MIGA1: variants seen among roughly 807,000 people sequenced by gnomAD.
MIGA1 encodes family with sequence similarity 73, member A.
Under a neutral mutation model 82.0 loss-of-function variants are expected in MIGA1, and 58 were observed. That is an observed-to-expected ratio of 0.71 (90% CI 0.57 to 0.88). The LOEUF (loss-of-function observed/expected upper bound fraction) is 0.88. MIGA1 is among the 40% of genes least tolerant of loss of function. The pLI is 0.00. For missense variants in MIGA1, 751 were observed against 749.1 expected (o/e 1.00, Z -0.03); for synonymous variants, 249 against 253.6 (o/e 0.98, Z 0.17).
rs1646913498 is a variant in MIGA1 at position 77,878,676 on chromosome 1, G to A, written c.*3612G>A. The A allele has an allele frequency of 2.9e-6, 1 of 345,056 alleles. No homozygotes were observed. Among genetic ancestry groups the A allele is most frequent in the South Asian group, 1.4e-4 (1 of 6,996 alleles). 21.4% of individuals were successfully genotyped at this position (345,056 alleles called of 1,614,324 possible). A position where few individuals can be genotyped will look rare whatever the true frequency, so the allele number is the denominator to read the frequency against. On this transcript the variant is annotated 3_prime_UTR_variant, in exon 16 of 16. Transcript: ENST00000370791. ...TAAATTTTGAGGCAATTTACATTTG[G>A]TATTTCTTTTAATTTCATTTTTTGT...
intron 8 of MIGA1, among the ~76,000 whole-genome samples, chr1:77,851,429 G>A (rs1685045964): frequency 6.6e-6 from 1 of 151,964 alleles, no homozygotes; most frequent in Non-Finnish European, 1.5e-5. Context: ...CTTATTGACC[G>A]CTGCTTCTGA....
At chr1:77,807,595 ACAG>A (rs1683153140) in intron 5 of MIGA1, among the ~76,000 whole-genome samples, 2 of 152,320 alleles carry the variant, frequency 1.3e-5, no homozygotes, top group Non-Finnish European at 2.9e-5. Context: ...CAAAATTAAA[ACAG>A]CAGAAAGAGT....
At chr1:77,812,314 C>T (rs112848660) in intron 5 of MIGA1, among the ~76,000 whole-genome samples, 1 of 152,048 alleles carries the variant, frequency 6.6e-6, no homozygotes, top group African/African-American at 2.4e-5. Flanking sequence ...ACTAAAAATA[C>T]AAAAATTAGC....
At chr1:77,848,250 G>T in intron 8 of MIGA1, 1 of 1,390,446 alleles carries the variant, frequency 7.2e-7, no homozygotes, top group Admixed American at 1.8e-5. Flanking sequence ...CAAAGAGAAA[G>T]AAGTGACAGA....
At chr1:77,784,720 T>C (rs1682070461) in intron 2 of MIGA1, among the ~76,000 whole-genome samples, 1 of 152,216 alleles carries the variant, frequency 6.6e-6, no homozygotes, top group Non-Finnish European at 1.5e-5. Context: ...GTTTTCATGC[T>C]GCTGATAAAG....
chr1:77,804,660 G>T (rs551825648), intron 4 of MIGA1, among the ~76,000 whole-genome samples: 3 of 144,162 alleles, frequency 2.1e-5, no homozygotes, highest in Admixed American at 7.0e-5. Flanking sequence ...TTGCTCTGTT[G>T]CCCAGGCTGG....
chr1:77,783,260 A>T lies in MIGA1; in HGVS notation c.104A>T (p.Glu35Val). The change falls in exon 2 of 16, where the codon GAA (glutamate) becomes GTA (valine). Residue 35 changes from glutamate to valine, a missense_variant. By Grantham distance (121) the Glu-to-Val change is moderately radical. Around this residue, in one of 3 missense-constraint regions of MIGA1, gnomAD observed 482 missense variants for 439.4 expected, o/e 1.10. Coordinates refer to ENST00000370791, the MANE Select transcript of MIGA1 (RefSeq NM_198549.4). ...AAGATTAGAAGAGGAGCCATGTCAG[A>T]AGAAACAGTAAGTGAATCACAGTTT... 1.3e-6 allele frequency: 2 copies of T among 1,592,412 alleles called. No individual in the cohort carries two copies. The highest frequency in any genetic ancestry group is 1.7e-6 in the Non-Finnish European group (2 of 1,165,306).
chr1:77,818,029 T>C (rs7543125), intron 7 of MIGA1, among the ~76,000 whole-genome samples: 94,981 of 147,698 alleles, frequency 0.64, 31,784 homozygotes, highest in Non-Finnish European at 0.74. Context: ...GATCTCAGCT[T>C]ACTACAGCCT....
intron 7 of MIGA1, among the ~76,000 whole-genome samples, chr1:77,835,401 G>A (rs913242509): frequency 1.3e-5 from 2 of 152,078 alleles, no homozygotes; most frequent in African/African-American, 4.8e-5. Flanking sequence ...GATTGAGACA[G>A]TTTAAATTTT....
chr1:77,878,594 A>G lies in MIGA1; in HGVS notation c.*3530A>G, dbSNP rs935042572. 1 of 284,444 alleles carries G rather than the reference A, an allele frequency of 3.5e-6. No homozygotes were observed. Among genetic ancestry groups the G allele is most frequent in the Non-Finnish European group, 6.5e-6 (1 of 154,102 alleles). The allele number at this position is 284,444 out of a possible 1,614,324, so 17.6% of individuals were successfully genotyped here. A position where few individuals can be genotyped will look rare whatever the true frequency, so the allele number is the denominator to read the frequency against. Reference sequence around the variant, plus strand: ...TCCACTTCCATATGTAAATTATAAGAGGGACTTCAATTAAGTCACTCCTGA... The same window carrying G: ...TCCACTTCCATATGTAAATTATAAGGGGGACTTCAATTAAGTCACTCCTGA... On this transcript the variant is annotated 3_prime_UTR_variant, in exon 16 of 16. Transcript: ENST00000370791.
chr1:77,847,053 G>A, intron 8 of MIGA1: 1 of 737,750 alleles, frequency 1.4e-6, no homozygotes, highest in South Asian at 1.4e-5. Flanking sequence ...CTTATTTATA[G>A]CAATCCAGAA....
intron 5 of MIGA1, among the ~76,000 whole-genome samples, chr1:77,808,009 G>A (rs570936868): frequency 6.6e-6 from 1 of 151,974 alleles, no homozygotes; most frequent in African/African-American, 2.4e-5. Flanking sequence ...TAGTAGAGAT[G>A]GGGTTTCACC....
chr1:77,869,356 C>A (rs1239835156), intron 14 of MIGA1, among the ~76,000 whole-genome samples: 1 of 147,986 alleles, frequency 6.8e-6, no homozygotes, highest in Non-Finnish European at 1.5e-5. Flanking sequence ...CCACACAGAC[C>A]CGGCAACCAT....
intron 8 of MIGA1, chr1:77,847,707 G>A: frequency 6.3e-7 from 1 of 1,583,512 alleles, no homozygotes; most frequent in Non-Finnish European, 8.7e-7. Context: ...AAATCAAGCA[G>A]TTGGTGAAGA....
chr1:77,876,178 C>T lies in MIGA1; in HGVS notation c.*1114C>T, dbSNP rs1646892470. The T allele has an allele frequency of 6.6e-6, 1 of 151,930 alleles. No individual in the cohort carries two copies. Among genetic ancestry groups the T allele is most frequent in the Admixed American group, 6.6e-5 (1 of 15,236 alleles). 9.4% of individuals were successfully genotyped at this position (151,930 alleles called of 1,614,324 possible). ...TAAATTAATTAGTTGGGTGTGGTGG[C>T]ATGTGTCTGTGGTCCCAGCTACTTG... is the stretch of plus-strand genomic sequence containing the variant. On this transcript the variant is annotated 3_prime_UTR_variant, in exon 16 of 16. Coordinates refer to ENST00000370791, the MANE Select transcript of MIGA1 (RefSeq NM_198549.4).
At chr1:77,829,718 A>G (rs1684168085) in intron 7 of MIGA1, among the ~76,000 whole-genome samples, 1 of 151,974 alleles carries the variant, frequency 6.6e-6, no homozygotes, top group South Asian at 2.1e-4. Flanking sequence ...TGATCCTCCC[A>G]TCTCGGCCTC....
intron 11 of MIGA1, 24 bp from the exon 12 acceptor site, chr1:77,861,200 G>T (rs1557933830): frequency 4.8e-6 from 7 of 1,458,488 alleles, no homozygotes; most frequent in Non-Finnish European, 6.7e-6. Context: ...TGAGTTTAGG[G>T]TTAAAATGTG....
At chr1:77,782,602 CTT>C (rs1295572786) in intron 1 of MIGA1, among the ~76,000 whole-genome samples, 1 of 152,182 alleles carries the variant, frequency 6.6e-6, no homozygotes, top group African/African-American at 2.4e-5. Context: ...AATGACCTCT[CTT>C]TGTGTGTCAA....
intron 7 of MIGA1, among the ~76,000 whole-genome samples, chr1:77,839,218 A>AAATAAT (rs34607167): frequency 1.0e-3 from 151 of 151,324 alleles, no homozygotes; most frequent in African/African-American, 3.5e-3. Flanking sequence ...TCCTCGACCA[A>AAATAAT]AATAATAATA....
Sources: allele counts gnomAD v4.1 joint callset (sites outside exome capture counted in the v4.1 genomes callset), GRCh38; gene constraint gnomAD v4.1.1; regional missense constraint gnomAD v4.1.1; transcripts MANE v1.5; gene names NCBI Gene and HGNC (gene_info 2026-07-23, HGNC 2026-07-21).